GNAO1: variants seen among roughly 807,000 people sequenced by gnomAD.
The protein encoded by GNAO1 is G protein subunit alpha o1, also known as guanine nucleotide-binding protein G(o) subunit alpha.
For missense variants in GNAO1, 166 were observed against 478.7 expected (o/e 0.35, Z 6.10); for synonymous variants, 164 against 180.7 (o/e 0.91, Z 0.74).
chr16:56,257,775 G>C, intron 2 of GNAO1, among the ~76,000 whole-genome samples: 1 of 152,180 alleles, frequency 6.6e-6, no homozygotes, highest in East Asian at 1.9e-4. Context: ...TGAGGCTGAT[G>C]CCATTAACTG....
intron 3 of GNAO1, among the ~76,000 whole-genome samples, chr16:56,319,067 A>G (rs1355414987): frequency 2.0e-5 from 3 of 152,208 alleles, no homozygotes; most frequent in African/African-American, 7.2e-5. Context: ...TTGAGAGGGA[A>G]GAGGCCTTTT....
intron 3 of GNAO1, among the ~76,000 whole-genome samples, chr16:56,277,425 A>G (rs1448978466): frequency 6.6e-6 from 1 of 152,216 alleles, no homozygotes; most frequent in African/African-American, 2.4e-5. Flanking sequence ...CTGTGGATAC[A>G]GGAATGAGCA....
chr16:56,350,117 G>A (rs543880157), intron 6 of GNAO1, among the ~76,000 whole-genome samples: 12 of 152,136 alleles, frequency 7.9e-5, no homozygotes, highest in Middle Eastern at 3.2e-3. Context: ...AGAGGGGGGC[G>A]GTGTGGCAGT....
chr16:56,314,637 G>A (rs2037490511), intron 3 of GNAO1, among the ~76,000 whole-genome samples: 1 of 152,222 alleles, frequency 6.6e-6, no homozygotes, highest in African/African-American at 2.4e-5. Flanking sequence ...CAGCTCTGCA[G>A]CCCGGCGCCG....
At chr16:56,316,070 A>G (rs1257730427) in intron 3 of GNAO1, among the ~76,000 whole-genome samples, 2 of 151,300 alleles carry the variant, frequency 1.3e-5, no homozygotes, top group African/African-American at 4.8e-5. Context: ...AAAAAAAAAA[A>G]GAGTGAGCAG....
At chr16:56,325,110 C>T (rs566332199) in intron 3 of GNAO1, among the ~76,000 whole-genome samples, 1 of 152,358 alleles carries the variant, frequency 6.6e-6, no homozygotes, top group East Asian at 1.9e-4. Flanking sequence ...GCTGGGCAGT[C>T]AGTCTCTCTC....
At chr16:56,217,752 A>T (rs1309543526) in intron 2 of GNAO1, among the ~76,000 whole-genome samples, 1 of 152,230 alleles carries the variant, frequency 6.6e-6, no homozygotes, top group African/African-American at 2.4e-5. Flanking sequence ...CAGGTGTCCA[A>T]GTTCACTCTC....
chr16:56,273,784 T>C (rs1367810105), intron 2 of GNAO1, among the ~76,000 whole-genome samples: 1 of 152,238 alleles, frequency 6.6e-6, no homozygotes, highest in African/African-American at 2.4e-5. Context: ...GCATGAGCCT[T>C]CTGGCGTCTC....
intron 2 of GNAO1, among the ~76,000 whole-genome samples, chr16:56,215,976 G>C (rs1352189125): frequency 6.6e-6 from 1 of 152,178 alleles, no homozygotes; most frequent in Non-Finnish European, 1.5e-5. Context: ...CCACAGCTTG[G>C]ATGTGTACCT....
intron 2 of GNAO1, among the ~76,000 whole-genome samples, chr16:56,267,195 G>A (rs1419199686): frequency 6.6e-6 from 1 of 152,228 alleles, no homozygotes; most frequent in South Asian, 2.1e-4. Context: ...TTCCCCTGGG[G>A]TGCCTGCCCT....
intron 2 of GNAO1, among the ~76,000 whole-genome samples, chr16:56,200,903 G>C (rs147296284): frequency 4.8e-4 from 73 of 152,348 alleles, no homozygotes; most frequent in African/African-American, 1.7e-3. Context: ...GCCATTTTCA[G>C]ATTGCAACAG....
intron 3 of GNAO1, among the ~76,000 whole-genome samples, chr16:56,288,457 A>G (rs1249372240): frequency 6.6e-6 from 1 of 152,236 alleles, no homozygotes; most frequent in Admixed American, 6.5e-5. Flanking sequence ...GCCAGGAAGT[A>G]AGACCAGAGC....
chr16:56,343,681 A>T, intron 6 of GNAO1: 1 of 1,161,604 alleles, frequency 8.6e-7, no homozygotes, highest in Non-Finnish European at 1.2e-6. Context: ...CCGGATGGCC[A>T]CACAGGCCAG....
chr16:56,264,459 T>C (rs1425835641), intron 2 of GNAO1, among the ~76,000 whole-genome samples: 2 of 152,232 alleles, frequency 1.3e-5, no homozygotes, highest in Non-Finnish European at 2.9e-5. Context: ...GGCTCTGCAC[T>C]GGAATCACAA....
chr16:56,247,124 C>G (rs1212683850), intron 2 of GNAO1, among the ~76,000 whole-genome samples: 1 of 152,206 alleles, frequency 6.6e-6, no homozygotes, highest in Non-Finnish European at 1.5e-5. Flanking sequence ...CTCAGCTCCC[C>G]TCCGTTGCTG....
chr16:56,323,488 T>G (rs1477186404), intron 3 of GNAO1, among the ~76,000 whole-genome samples: 1 of 152,074 alleles, frequency 6.6e-6, no homozygotes, highest in Non-Finnish European at 1.5e-5. Context: ...ATGATCCCAT[T>G]TAGTTGCTAG....
chr16:56,334,908 G>A, intron 5 of GNAO1, 51 bp downstream of exon 5: 1 of 1,598,062 alleles, frequency 6.3e-7, no homozygotes. Context: ...GATGGGACAT[G>A]CCCAGCCTCT....
At chr16:56,319,302 C>A (rs2037547380) in intron 3 of GNAO1, among the ~76,000 whole-genome samples, 1 of 152,150 alleles carries the variant, frequency 6.6e-6, no homozygotes, top group Non-Finnish European at 1.5e-5. Context: ...TCTTGGTCAC[C>A]ACCACCACCC....
chr16:56,221,260 A>T (rs1453447069), intron 2 of GNAO1, among the ~76,000 whole-genome samples: 1 of 152,088 alleles, frequency 6.6e-6, no homozygotes. Context: ...TTTTTTTTAT[A>T]GCAGCATGGA....
Sources: allele counts gnomAD v4.1 joint callset (sites outside exome capture counted in the v4.1 genomes callset), GRCh38; gene constraint gnomAD v4.1.1; transcripts MANE v1.5; gene names NCBI Gene and HGNC (gene_info 2026-07-23, HGNC 2026-07-21).